The following ANXA10 variants were observed in gnomAD, a reference collection of about 807,000 sequenced individuals.
ANXA10 encodes the protein annexin 14.
Under a neutral mutation model 53.5 loss-of-function variants are expected in ANXA10, and 49 were observed. The ratio of observed to expected loss-of-function variants is 0.92; its 90% CI spans 0.73 to 1.16. ANXA10 has a LOEUF of 1.16. ANXA10 is among the 50% of genes most tolerant of loss of function. The pLI is 0.00. For synonymous variants in ANXA10, 131 were observed against 128.9 expected (o/e 1.02, Z -0.11); for missense variants, 393 against 394.4 (o/e 1.00, Z 0.03).
chr4:168,099,370 G>A (rs533403826), intron 1 of ANXA10, among the ~76,000 whole-genome samples: 1 of 152,078 alleles, frequency 6.6e-6, no homozygotes. Flanking sequence ...AGTACCTGGG[G>A]ACACATGCAC....
At chr4:168,165,708 G>A (rs2251452) in intron 6 of ANXA10, among the ~76,000 whole-genome samples, 52 of 151,774 alleles carry the variant, frequency 3.4e-4, no homozygotes, top group African/African-American at 1.2e-3. Context: ...AGACAGTCTC[G>A]CTCTATCACC....
intron 2 of ANXA10, among the ~76,000 whole-genome samples, 168 bp from the exon 3 acceptor site, chr4:168,139,318 G>C (rs758227429): frequency 2.0e-5 from 3 of 152,100 alleles, no homozygotes; most frequent in Non-Finnish European, 2.9e-5. Flanking sequence ...AAGGATCCAG[G>C]CTTCATCAAG....
Position 168,162,509 on chromosome 4 carries a change from T to C in ANXA10, c.196-19T>C, listed in dbSNP as rs1731802928. The C allele has an allele frequency of 1.3e-6, 2 of 1,560,918 alleles. No individual in the cohort carries two copies. The highest frequency in any genetic ancestry group is 8.8e-7 in the Non-Finnish European group (1 of 1,132,250). On this transcript the variant is annotated intron_variant, in intron 3 of 11. Coordinates refer to ENST00000359299, the MANE Select transcript of ANXA10 (RefSeq NM_007193.5). ...AATTTGGTAACATATAATAAATATA[T>C]GTACTTTTTCCTCCACAGGACCTGA...
intron 1 of ANXA10, among the ~76,000 whole-genome samples, chr4:168,123,021 T>G (rs1731012082): frequency 6.6e-6 from 1 of 152,198 alleles, no homozygotes; most frequent in Non-Finnish European, 1.5e-5. Context: ...AATACACTAC[T>G]ATTAATAAAA....
chr4:168,147,994 A>G (rs1731432429), intron 3 of ANXA10, among the ~76,000 whole-genome samples: 1 of 152,146 alleles, frequency 6.6e-6, no homozygotes, highest in Non-Finnish European at 1.5e-5. Flanking sequence ...CCTCAATCAA[A>G]TGAATTTCCA....
chr4:168,146,671 G>A (rs940839886), intron 3 of ANXA10, among the ~76,000 whole-genome samples: 4 of 152,138 alleles, frequency 2.6e-5, no homozygotes, highest in African/African-American at 7.2e-5. Context: ...ATTCCAGTTG[G>A]TCTCATCAGA....
At chr4:168,117,927 ACTCACTCACTCC>A (rs1461830179) in intron 1 of ANXA10, among the ~76,000 whole-genome samples, 17 of 146,854 alleles carry the variant, frequency 1.2e-4, no homozygotes, top group African/African-American at 4.0e-4. Context: ...TCACTCACTC[ACTCACTCACTCC>A]CTCCCTCCCT....
At chr4:168,160,872 T>C (rs1731771011) in intron 3 of ANXA10, among the ~76,000 whole-genome samples, 1 of 152,190 alleles carries the variant, frequency 6.6e-6, no homozygotes, top group African/African-American at 2.4e-5. Context: ...TTGAGAAGTG[T>C]CTGTTCATAT....
chr4:168,151,819 C>T (rs1025482835), intron 3 of ANXA10, among the ~76,000 whole-genome samples: 8 of 152,184 alleles, frequency 5.3e-5, no homozygotes, highest in South Asian at 2.1e-4. Context: ...ATAGCACTTA[C>T]CAAATTTTGT....
chr4:168,177,709 T>C (rs373864696), intron 6 of ANXA10, 31 bp from the exon 7 acceptor site: 25 of 1,611,726 alleles, frequency 1.6e-5, no homozygotes, highest in Non-Finnish European at 2.1e-5. Context: ...ACTAAGAACA[T>C]TTACATGGAA....
At position 168,182,082 on chromosome 4, in the gene ANXA10, T is replaced by C. The variant is rs1284774465; in HGVS notation, c.783+341T>C. ...CAGACTTATGCAAGTACAAAACATA[T>C]GGCATTAAGCAGAAAATGTCAAAAT... is the stretch of plus-strand genomic sequence containing the variant. On this transcript the variant is annotated intron_variant, in intron 10 of 11. Transcript: ENST00000359299. 2.0e-5 allele frequency among the ~76,000 whole-genome samples: 3 copies of C among 152,114 alleles called. 1 individual carries two copies. The highest frequency in any genetic ancestry group is 4.8e-5 in the African/African-American group (2 of 41,430).
rs141793239 is a variant in ANXA10 at position 168,157,721 on chromosome 4, T to C, written c.196-4807T>C. 5.0e-3 allele frequency among the ~76,000 whole-genome samples: 764 copies of C among 152,312 alleles called. 5 individuals are homozygous for C. Among genetic ancestry groups the C allele is most frequent in the African/African-American group, 0.018 (733 of 41,566 alleles). On this transcript the variant is annotated intron_variant, in intron 3 of 11. Coordinates refer to ENST00000359299, the MANE Select transcript of ANXA10 (RefSeq NM_007193.5). ...AGAATTTAATATAAATGTAATCATG[T>C]CATATGTGCTCTTTTATGTCTAGAT... is the stretch of plus-strand genomic sequence containing the variant.
chr4:168,144,410 C>T (rs1327715940), intron 3 of ANXA10, among the ~76,000 whole-genome samples: 6 of 152,198 alleles, frequency 3.9e-5, no homozygotes. Flanking sequence ...TGGTCTCACA[C>T]TCCTGACCTC....
intron 1 of ANXA10, among the ~76,000 whole-genome samples, chr4:168,113,911 T>A (rs1200975606): frequency 6.6e-6 from 1 of 152,218 alleles, no homozygotes; most frequent in Non-Finnish European, 1.5e-5. Flanking sequence ...AAAAGTTATG[T>A]AGGTGGCATT....
intron 1 of ANXA10, among the ~76,000 whole-genome samples, chr4:168,110,890 A>G (rs978327347): frequency 3.3e-5 from 5 of 152,220 alleles, no homozygotes; most frequent in Non-Finnish European, 7.4e-5. Flanking sequence ...CTATCAGTGT[A>G]CAAAAAGGAG....
chr4:168,146,051 G>A (rs1166475197), intron 3 of ANXA10, among the ~76,000 whole-genome samples: 1 of 152,022 alleles, frequency 6.6e-6, no homozygotes, highest in Non-Finnish European at 1.5e-5. Context: ...TGGGATTACA[G>A]GTGCATGCCA....
chr4:168,108,883 A>T (rs561424512), intron 1 of ANXA10, among the ~76,000 whole-genome samples: 1 of 152,304 alleles, frequency 6.6e-6, no homozygotes, highest in Non-Finnish European at 1.5e-5. Flanking sequence ...ATGGCAGGAC[A>T]AGGAGGTCTC....
intron 3 of ANXA10, among the ~76,000 whole-genome samples, chr4:168,161,438 T>C (rs1578926980): frequency 6.6e-6 from 1 of 152,304 alleles, no homozygotes; most frequent in East Asian, 1.9e-4. Context: ...CTTGTACCAG[T>C]ACCATGCTGT....
At chr4:168,111,708 C>G (rs1470107774) in intron 1 of ANXA10, among the ~76,000 whole-genome samples, 2 of 152,144 alleles carry the variant, frequency 1.3e-5, no homozygotes, top group East Asian at 3.8e-4. Context: ...TGCACAGTAG[C>G]TATTCAAATA....
Sources: gnomAD v4.1 joint callset for allele counts (sites outside exome capture counted in the v4.1 genomes callset) on GRCh38, gnomAD v4.1.1 for gene constraint, MANE v1.5 for transcripts, NCBI Gene and HGNC (gene_info 2026-07-23, HGNC 2026-07-21) for gene names.